Variants in SCAMP1 observed in about 807,000 individuals in gnomAD.
SCAMP1 encodes secretory carrier-associated membrane protein 1.
SCAMP1 carries 15 observed loss-of-function variants against 41.8 expected under a neutral mutation model. The observed-to-expected ratio is 0.36, with a 90% confidence interval of 0.24 to 0.55. The LOEUF (loss-of-function observed/expected upper bound fraction) is 0.55. Ranked by LOEUF, SCAMP1 falls within the 20% of genes least tolerant of loss-of-function variation. The probability of loss-of-function intolerance (pLI) is 0.86; values close to 1 mark genes in which losing one functional copy is unlikely to be tolerated. For missense variants in SCAMP1, 341 were observed against 412.6 expected (o/e 0.83, Z 1.50); for synonymous variants, 135 against 136.8 (o/e 0.99, Z 0.09).
intron 6 of SCAMP1, among the ~76,000 whole-genome samples, chr5:78,423,353 C>T (rs1296168327): frequency 6.6e-6 from 1 of 152,152 alleles, no homozygotes; most frequent in Non-Finnish European, 1.5e-5. Flanking sequence ...ATAGTTACTC[C>T]TTGCATGATC....
At chr5:78,454,210 C>G (rs1443658073) in intron 7 of SCAMP1, among the ~76,000 whole-genome samples, 1 of 151,826 alleles carries the variant, frequency 6.6e-6, no homozygotes, top group Non-Finnish European at 1.5e-5. Context: ...CCAGAACTTC[C>G]AACACTATGT....
rs1272918492 is a variant in SCAMP1, at chr5:78,410,376, C to CTCAG, written c.136-5143_136-5142insCAGT. 4.6e-5 allele frequency among the ~76,000 whole-genome samples: 7 copies of CTCAG among 152,178 alleles called. No homozygotes were observed. In the East Asian group the frequency reaches 1.4e-3, roughly 29 times the overall value. ...ATGTGTTCTCAATGTTCAGTTCCCACTTATGAGTGGGAACATGCTGTTTGG... is the reference window on the plus strand; with the variant it reads ...ATGTGTTCTCAATGTTCAGTTCCCACTCAGTTATGAGTGGGAACATGCTGTTTGG... On this transcript the variant is annotated intron_variant, in intron 2 of 8. Coordinates refer to ENST00000621999, the MANE Select transcript of SCAMP1 (RefSeq NM_004866.6).
chr5:78,405,281 C>A (rs1316704991), intron 2 of SCAMP1, among the ~76,000 whole-genome samples: 2 of 152,108 alleles, frequency 1.3e-5, no homozygotes, highest in African/African-American at 4.8e-5. Context: ...TTTAAAATAG[C>A]CTTTAATCTG....
intron 6 of SCAMP1, among the ~76,000 whole-genome samples, chr5:78,444,487 C>G (rs1390331096): frequency 1.3e-5 from 2 of 152,196 alleles, no homozygotes; most frequent in Admixed American, 1.3e-4. Flanking sequence ...CCCCATGATT[C>G]AGTTACTTGC....
chr5:78,381,830 G>A (rs1421650687), intron 1 of SCAMP1, among the ~76,000 whole-genome samples: 2 of 152,154 alleles, frequency 1.3e-5, no homozygotes, highest in African/African-American at 2.4e-5. Flanking sequence ...AATTTATAAG[G>A]CTGGAAAAAT....
intron 4 of SCAMP1, among the ~76,000 whole-genome samples, chr5:78,418,398 A>T (rs868443947): frequency 6.6e-6 from 1 of 152,198 alleles, no homozygotes; most frequent in South Asian, 2.1e-4. Flanking sequence ...GAAGTTTAAA[A>T]ACTGGATGGC....
Position 78,479,987 on chromosome 5 carries a change from A to C in SCAMP1, c.*4319A>C, listed in dbSNP as rs528548865. ...CGTGAACCTGGGAGGCGGAGCTTGC[A>C]GTGAGCCGAGATCTCTCCACTGCAC... On this transcript the variant is annotated 3_prime_UTR_variant, in exon 9 of 9. Transcript: ENST00000621999. Among the ~76,000 whole-genome samples, 1 of 151,652 alleles carries C rather than the reference A, an allele frequency of 6.6e-6. No individual in the cohort carries two copies. Among genetic ancestry groups the C allele is most frequent in the Non-Finnish European group, 1.5e-5 (1 of 67,938 alleles).
In SCAMP1 at chr5:78,476,461, A is replaced by G. The variant is rs1278212455; in HGVS notation, c.*793A>G. 1 of 152,628 alleles carries G rather than the reference A, an allele frequency of 6.6e-6. No homozygotes were observed. The highest frequency in any genetic ancestry group is 2.4e-5 in the African/African-American group (1 of 41,458). 9.5% of individuals were successfully genotyped at this position (152,628 alleles called of 1,614,324 possible). On this transcript the variant is annotated 3_prime_UTR_variant, in exon 9 of 9. Transcript: ENST00000621999. Reference sequence around the variant, plus strand: ...CAAAAGAGAAGGTAGTTAATGCAGTAGAAAGTAGTGGTAATAATTCCTTTT... The same window carrying G: ...CAAAAGAGAAGGTAGTTAATGCAGTGGAAAGTAGTGGTAATAATTCCTTTT...
At chr5:78,449,536 G>A (rs1262152086) in intron 6 of SCAMP1, among the ~76,000 whole-genome samples, 2 of 152,112 alleles carry the variant, frequency 1.3e-5, no homozygotes, top group Non-Finnish European at 2.9e-5. Context: ...AGTGATTGGG[G>A]AATCAAGTAT....
chr5:78,361,890 T>A (rs188865690), intron 1 of SCAMP1, among the ~76,000 whole-genome samples: 5 of 152,346 alleles, frequency 3.3e-5, no homozygotes, highest in Admixed American at 2.6e-4. Flanking sequence ...GAAAACTATT[T>A]CTGCTCTGAT....
chr5:78,449,714 G>A (rs1323225309), intron 6 of SCAMP1, among the ~76,000 whole-genome samples: 1 of 152,130 alleles, frequency 6.6e-6, no homozygotes, highest in Admixed American at 6.5e-5. Context: ...TGTGAGGTTA[G>A]AATAACGATA....
chr5:78,448,440 ACT>A (rs1037555863), intron 6 of SCAMP1, among the ~76,000 whole-genome samples: 10 of 151,472 alleles, frequency 6.6e-5, no homozygotes, highest in African/African-American at 2.2e-4. Flanking sequence ...AGTTTTAAAA[ACT>A]CTCACAACTC....
intron 6 of SCAMP1, among the ~76,000 whole-genome samples, chr5:78,434,508 C>T (rs1045400252): frequency 6.6e-6 from 1 of 150,992 alleles, no homozygotes; most frequent in African/African-American, 2.4e-5. Flanking sequence ...CTTGGTGGTC[C>T]TCCTCTTCCT....
chr5:78,463,242 C>G (rs1186269168), intron 8 of SCAMP1, among the ~76,000 whole-genome samples: 1 of 152,242 alleles, frequency 6.6e-6, no homozygotes. Context: ...TTCTACACCA[C>G]AGATGGCTCC....
chr5:78,469,898 A>C (rs867235564), intron 8 of SCAMP1, among the ~76,000 whole-genome samples: 9 of 32,484 alleles, frequency 2.8e-4, no homozygotes, highest in African/African-American at 7.6e-4. Context: ...ATTAAAAAAA[A>C]AAAAAAAAAA....
chr5:78,446,715 G>T (rs1753060832), intron 6 of SCAMP1, among the ~76,000 whole-genome samples: 1 of 152,060 alleles, frequency 6.6e-6, no homozygotes, highest in Non-Finnish European at 1.5e-5. Flanking sequence ...TTTGATATTG[G>T]TTATTTTTCA....
intron 1 of SCAMP1, among the ~76,000 whole-genome samples, chr5:78,384,838 T>C (rs1271313089): frequency 2.0e-5 from 3 of 152,204 alleles, no homozygotes; most frequent in Non-Finnish European, 4.4e-5. Context: ...TGATATGCTG[T>C]TGAATTTGGT....
chr5:78,377,401 A>G (rs932852465), intron 1 of SCAMP1, among the ~76,000 whole-genome samples: 2 of 152,084 alleles, frequency 1.3e-5, no homozygotes, highest in Admixed American at 6.6e-5. Flanking sequence ...TTTATGTCTC[A>G]TATTCAGTCT....
chr5:78,405,610 T>C (rs190612890), intron 2 of SCAMP1, among the ~76,000 whole-genome samples: 31 of 152,358 alleles, frequency 2.0e-4, no homozygotes, highest in African/African-American at 7.0e-4. Context: ...AGAATGTATT[T>C]GTTCAATATG....
Sources: allele counts gnomAD v4.1 joint callset (sites outside exome capture counted in the v4.1 genomes callset), GRCh38; gene constraint gnomAD v4.1.1; transcripts MANE v1.5; gene names NCBI Gene and HGNC (gene_info 2026-07-23, HGNC 2026-07-21).